Variants in METTL15 observed in about 807,000 individuals in gnomAD.
The protein encoded by METTL15 is methyltransferase 15, mitochondrial 12S rRNA N4-cytidine.
In METTL15, 34 loss-of-function variants were observed where a neutral mutation model predicts 38.3. That is an observed-to-expected ratio of 0.89 (90% CI 0.68 to 1.18). The LOEUF (loss-of-function observed/expected upper bound fraction) is 1.18, where lower values mean the gene tolerates loss of function less well. METTL15 is among the 50% of genes most tolerant of loss of function. The pLI is 0.00. For synonymous variants in METTL15, 162 were observed against 170.9 expected, an observed-to-expected ratio of 0.95 and a Z score of 0.41; for missense variants, 438 against 498.4, an observed-to-expected ratio of 0.88 and a Z score of 1.15.
At chr11:28,120,698 T>G (rs1852191950) in intron 3 of METTL15, among the ~76,000 whole-genome samples, 2 of 152,198 alleles carry the variant, frequency 1.3e-5, no homozygotes, top group South Asian at 4.1e-4. Context: ...CTTTGTAGTA[T>G]TTGATGCTTC....
At chr11:28,314,608 C>A (rs969634966) in intron 6 of METTL15, among the ~76,000 whole-genome samples, 21 of 152,170 alleles carry the variant, frequency 1.4e-4, no homozygotes, top group Admixed American at 2.6e-4. Context: ...ATAAAGGTGA[C>A]CACCTAAATA....
intron 4 of METTL15, among the ~76,000 whole-genome samples, chr11:28,260,456 T>C (rs1246649446): frequency 6.6e-6 from 1 of 152,204 alleles, no homozygotes; most frequent in Admixed American, 6.5e-5. Context: ...TCAATACTTA[T>C]TACCTCTTTC....
intron 4 of METTL15, among the ~76,000 whole-genome samples, chr11:28,234,558 A>G (rs1181618010): frequency 1.2e-4 from 18 of 151,890 alleles, no homozygotes; most frequent in African/African-American, 3.9e-4. Context: ...ATGGCCAGTG[A>G]TGATGAGCAT....
intron 6 of METTL15, among the ~76,000 whole-genome samples, chr11:28,441,847 T>C (rs192398818): frequency 1.5e-3 from 222 of 152,342 alleles, no homozygotes; most frequent in African/African-American, 5.1e-3. Flanking sequence ...ATTATCATTC[T>C]GGTCTTCTCT....
chr11:28,488,374 G>T lies in METTL15; in HGVS notation c.*425-38104G>T, dbSNP rs184927879. ...CTTATATTTATTTAAAACCATTTCTGTGTTTCTAAAGAATAACACAACTCA... is the reference window on the plus strand; with the variant it reads ...CTTATATTTATTTAAAACCATTTCTTTGTTTCTAAAGAATAACACAACTCA... On this transcript the variant is annotated intron_variant and NMD_transcript_variant, in intron 6 of 7. Coordinates refer to the METTL15 transcript ENST00000532947. Among the ~76,000 whole-genome samples the T allele has an allele frequency of 4.6e-5, 7 of 151,972 alleles. No individual in the cohort carries two copies. In the East Asian group the frequency reaches 9.7e-4, roughly 21 times the overall value.
intron 3 of METTL15, among the ~76,000 whole-genome samples, chr11:28,194,122 A>ATCTTTCTTTTTCTTTCTT (rs1851801396): frequency 3.0e-5 from 3 of 99,078 alleles, no homozygotes; most frequent in Admixed American, 2.3e-4. Flanking sequence ...TTGATGGTTG[A>ATCTTTCTTTTTCTTTCTT]TCTTTCTTTC....
intron 4 of METTL15, among the ~76,000 whole-genome samples, chr11:28,239,117 C>G (rs534416092): frequency 1.8e-4 from 27 of 151,896 alleles, no homozygotes; most frequent in African/African-American, 6.0e-4. Flanking sequence ...GCTGTAAAAA[C>G]TATCTACACA....
chr11:28,271,699 CT>C (rs1484436212), intron 4 of METTL15, among the ~76,000 whole-genome samples: 1 of 151,814 alleles, frequency 6.6e-6, no homozygotes, highest in African/African-American at 2.4e-5. Context: ...AATTACTATA[CT>C]AAAAGCCAAA....
At chr11:28,259,020 C>T (rs1204966241) in intron 4 of METTL15, among the ~76,000 whole-genome samples, 3 of 152,092 alleles carry the variant, frequency 2.0e-5, no homozygotes, top group Non-Finnish European at 4.4e-5. Context: ...ACAGTTTTAT[C>T]CAGGGCCCTC....
downstream of METTL15, among the ~76,000 whole-genome samples, chr11:28,530,902 A>C (rs1486994840): frequency 6.6e-6 from 1 of 152,070 alleles, no homozygotes; most frequent in Non-Finnish European, 1.5e-5. Context: ...AAAGTAGATA[A>C]AATAGATATC....
intron 6 of METTL15, among the ~76,000 whole-genome samples, chr11:28,459,053 C>G (rs1227046685): frequency 6.6e-6 from 1 of 152,122 alleles, no homozygotes; most frequent in Non-Finnish European, 1.5e-5. Context: ...TTGGTCTCTA[C>G]CTTGGCTCTT....
chr11:28,351,865 G>C (rs569670452), intron 3 of METTL15, among the ~76,000 whole-genome samples: 2 of 152,162 alleles, frequency 1.3e-5, no homozygotes, highest in Admixed American at 1.3e-4. Flanking sequence ...GACTGTTTAC[G>C]TTTTATAAAC....
chr11:28,455,130 A>G (rs1851156704), intron 6 of METTL15, among the ~76,000 whole-genome samples: 1 of 151,016 alleles, frequency 6.6e-6, no homozygotes, highest in Non-Finnish European at 1.5e-5. Context: ...CTTCCTGGTC[A>G]GTGTTCTAAT....
intron 6 of METTL15, among the ~76,000 whole-genome samples, chr11:28,510,332 CTGTT>C (rs1358148300): frequency 1.6e-4 from 24 of 152,174 alleles, no homozygotes; most frequent in East Asian, 1.3e-3. Flanking sequence ...TGTTTTGCAT[CTGTT>C]TGTTTATTTT....
At chr11:28,129,151 C>T (rs1182269707) in intron 3 of METTL15, among the ~76,000 whole-genome samples, 2 of 152,134 alleles carry the variant, frequency 1.3e-5, no homozygotes, top group Non-Finnish European at 2.9e-5. Context: ...AAAGGTATTC[C>T]TCTGTCAAAC....
intron 5 of METTL15, among the ~76,000 whole-genome samples, chr11:28,415,445 A>G (rs4923539): frequency 1 from 151,847 of 152,328 alleles, 75,687 homozygotes; most frequent in Non-Finnish European, 1. Flanking sequence ...AAATGGAAAT[A>G]TTACATTTGC....
chr11:28,225,721 A>C (rs1205797574), intron 4 of METTL15, among the ~76,000 whole-genome samples: 1 of 151,770 alleles, frequency 6.6e-6, no homozygotes, highest in Non-Finnish European at 1.5e-5. Flanking sequence ...TCCATGAACA[A>C]TTTTTGTCCT....
At chr11:28,215,615 T>C (rs1565173596) in intron 4 of METTL15, among the ~76,000 whole-genome samples, 1 of 152,282 alleles carries the variant, frequency 6.6e-6, no homozygotes, top group African/African-American at 2.4e-5. Flanking sequence ...ATAAAATATT[T>C]AGTAATAAAT....
intron 5 of METTL15, among the ~76,000 whole-genome samples, chr11:28,376,719 T>C (rs1178420101): frequency 6.6e-6 from 1 of 151,814 alleles, no homozygotes; most frequent in East Asian, 1.9e-4. Flanking sequence ...TAGCTGGTTA[T>C]TTTGCTCGTT....
Sources: gnomAD v4.1 joint callset for allele counts (sites outside exome capture counted in the v4.1 genomes callset) on GRCh38, gnomAD v4.1.1 for gene constraint, MANE v1.5 for transcripts, NCBI Gene and HGNC (gene_info 2026-07-23, HGNC 2026-07-21) for gene names.